Variants in RANBP6 observed in about 807,000 individuals in gnomAD.
RANBP6 encodes the protein RAN binding protein 6.
A neutral mutation model predicts 35.3 loss-of-function variants in RANBP6; 10 were observed. The ratio of observed to expected loss-of-function variants is 0.28; its 90% CI spans 0.17 to 0.48. The LOEUF (loss-of-function observed/expected upper bound fraction) is 0.48, where lower values mean the gene tolerates loss of function less well. Among genes scored for constraint, RANBP6 ranks in the 20% least tolerant of loss-of-function variants. The pLI, the probability that RANBP6 is intolerant of heterozygous loss-of-function variation, is 0.99. For missense variants in RANBP6, 1,392 were observed against 1,307.7 expected (o/e 1.06, Z -0.99); for synonymous variants, 514 against 464.2 (o/e 1.11, Z -1.38).
In RANBP6 at chr9:6,012,399, G is replaced by C; in HGVS notation, c.3209C>G (p.Ala1070Gly). Reference sequence around the variant, plus strand: ...AGTCTGTACCTGACGCACGACATTAGCTAGGCGTTTGGCACAAGGATCCTC... The same window carrying C: ...AGTCTGTACCTGACGCACGACATTACCTAGGCGTTTGGCACAAGGATCCTC... ...NYEDPCAKRLANVVRQVQTSE... is the reference protein window; with the variant it reads ...NYEDPCAKRLGNVVRQVQTSE... Residue 1070 changes from alanine to glycine, a missense_variant, in exon 1 of 1, where the codon GCT becomes GGT. By Grantham distance (60) the Ala-to-Gly change is moderately conservative. Coordinates refer to ENST00000259569, the MANE Select transcript of RANBP6 (RefSeq NM_012416.4). 1 of 1,613,968 alleles carries C rather than the reference G, an allele frequency of 6.2e-7. No homozygotes were observed. The highest frequency in any genetic ancestry group is 2.2e-5 in the East Asian group (1 of 44,888).
Position 6,013,851 on chromosome 9 carries a change from G to C in RANBP6, c.1757C>G (p.Ser586Ter). The change falls in exon 1 of 1, where the codon TCA becomes TGA. Residue 586 changes from serine to a stop codon, truncating the protein, a stop_gained. Coordinates refer to ENST00000259569, the MANE Select transcript of RANBP6 (RefSeq NM_012416.4). LOFTEE classifies it low-confidence loss of function (END_TRUNC). ...VGKEKFMQDA[S>*]NVMQLLLKTQ... is the part of the protein sequence containing the mutation. ...CTTCAACAACAGCTGCATCACATTT[G>C]ATGCATCTTGCATAAATTTTTCCTT... 1.2e-6 allele frequency: 2 copies of C among 1,613,940 alleles called. No homozygotes were observed. The highest frequency in any genetic ancestry group is 1.7e-6 in the Non-Finnish European group (2 of 1,179,986).
At position 6,014,846 on chromosome 9, in the gene RANBP6, G is replaced by T. The variant is rs141599921; in HGVS notation, c.762C>A (p.Thr254=). ...AATAAGGACCCAAGTACTTAGGTACGGTATCTGCAATCTCAACAAGGGATT... is the reference window on the plus strand; with the variant it reads ...AATAAGGACCCAAGTACTTAGGTACTGTATCTGCAATCTCAACAAGGGATT... ...VLESLVEIAD[T]VPKYLGPYLE... is the part of the protein sequence containing the mutation. The change falls in exon 1 of 1, where the codon ACC becomes ACA. Residue 254 remains threonine (T), a synonymous_variant. Transcript: ENST00000259569. 22 of 1,614,012 alleles carry T rather than the reference G, an allele frequency of 1.4e-5. No individual in the cohort carries two copies. The highest frequency in any genetic ancestry group is 5.5e-5 in the South Asian group (5 of 91,084).
chr9:6,013,818 G>C lies in RANBP6; in HGVS notation c.1790C>G (p.Ser597Ter), dbSNP rs1283500636. The change falls in exon 1 of 1, where the codon TCA (serine) becomes TGA (stop). Residue 597 changes from serine (S) to a stop codon, truncating the protein, a stop_gained. Coordinates refer to ENST00000259569, the MANE Select transcript of RANBP6 (RefSeq NM_012416.4). LOFTEE classifies it low-confidence loss of function (END_TRUNC). ...ATCATCTTCCATATTATTTAAGTCT[G>C]ATTGTGTCTTCAACAACAGCTGCAT... ...NVMQLLLKTQ[S>*]DLNNMEDDDP... 3 of 1,613,922 alleles carry C rather than the reference G, an allele frequency of 1.9e-6. No individual in the cohort carries two copies. Among genetic ancestry groups the C allele is most frequent in the Non-Finnish European group, 2.5e-6 (3 of 1,180,030 alleles).
chr9:6,014,957 A>C lies in RANBP6; in HGVS notation c.651T>G (p.Ala217=), dbSNP rs780184391. The C allele has an allele frequency of 4.3e-6, 7 of 1,614,232 alleles. No homozygotes were observed. The East Asian group carries it at 1.6e-4, about 36-fold the overall frequency. ...GCAAGTCTGCAAAGTCTTTGAAAAG[A>C]GCAATATTATTCTCATTAGCAAGTA... The part of the protein sequence containing the change: ...AFVLANENNI[A]LFKDFADLLP... Residue 217 remains alanine (A), a synonymous_variant, in exon 1 of 1, where the codon GCT becomes GCG. Coordinates refer to ENST00000259569, the MANE Select transcript of RANBP6 (RefSeq NM_012416.4).
chr9:6,015,198 C>T lies in RANBP6; in HGVS notation c.410G>A (p.Trp137Ter). 6.2e-7 allele frequency: 1 copy of T among 1,614,140 alleles called. No individual in the cohort carries two copies. Among genetic ancestry groups the T allele is most frequent in the Non-Finnish European group, 8.5e-7 (1 of 1,180,034 alleles). Residue 137 changes from tryptophan to a stop codon, truncating the protein, a stop_gained, in exon 1 of 1, where the codon TGG becomes TAG. Coordinates refer to ENST00000259569, the MANE Select transcript of RANBP6 (RefSeq NM_012416.4). LOFTEE classifies it low-confidence loss of function (END_TRUNC). ...AATAAGAAACTTCAGACCTTCCGGC[C>T]AGTGGTTAGTGCCATCCTCATCTAT... ...NLIDEDGTNH[W>*]PEGLKFLIDS... is the part of the protein sequence containing the mutation.
In RANBP6 at chr9:6,015,440, G is replaced by C; in HGVS notation, c.168C>G (p.Ala56=). The change falls in exon 1 of 1, where the codon GCC becomes GCG. Residue 56 remains alanine (A), a synonymous_variant. Transcript: ENST00000259569. The part of the protein sequence containing the change: ...GLCKTTFLLD[A]VRNRRAGYEV... ...CATAACCTGCTCTTCTATTTCTGACGGCATCTAAGAGGAAGGTAGTCTTAC... is the reference window on the plus strand; with the variant it reads ...CATAACCTGCTCTTCTATTTCTGACCGCATCTAAGAGGAAGGTAGTCTTAC... 6.2e-7 allele frequency: 1 copy of C among 1,614,120 alleles called. No homozygotes were observed. Among genetic ancestry groups the C allele is most frequent in the Non-Finnish European group, 8.5e-7 (1 of 1,180,020 alleles).
Position 6,013,580 on chromosome 9 carries a change from A to C in RANBP6, c.2028T>G (p.Phe676Leu). 2 of 1,614,242 alleles carry C rather than the reference A, an allele frequency of 1.2e-6. No individual in the cohort carries two copies. Among genetic ancestry groups the C allele is most frequent in the South Asian group, 2.2e-5 (2 of 91,086 alleles). Residue 676 changes from phenylalanine to leucine, a missense_variant, in exon 1 of 1, where the codon TTT becomes TTG. By Grantham distance (22) the Phe-to-Leu change is conservative. Coordinates refer to ENST00000259569, the MANE Select transcript of RANBP6 (RefSeq NM_012416.4). The stretch of plus-strand genomic sequence containing the variant: ...CTTCAAGTCCTGAAGTTTTAATTCC[A>C]AAACTCTGCTGGTCTCCAAGATTTA... ...QFVNLGDQQSFGIKTSGLEAK... is the reference protein window; with the variant it reads ...QFVNLGDQQSLGIKTSGLEAK...
At position 6,013,503 on chromosome 9, in the gene RANBP6, T is replaced by G; in HGVS notation, c.2105A>C (p.Glu702Ala). Residue 702 changes from glutamate to alanine, a missense_variant, in exon 1 of 1, where the codon GAA becomes GCA. Physicochemically the swap from Glu to Ala is moderately radical, Grantham distance 107. Coordinates refer to ENST00000259569, the MANE Select transcript of RANBP6 (RefSeq NM_012416.4). ...TTGTTCTGTATATTCCACAAACCCT[T>G]CCCTTAACTCCTTAGCATAGTAAAC... ...MLVYYAKELR[E>A]GFVEYTEQVV... The G allele has an allele frequency of 6.2e-7, 1 of 1,614,148 alleles. No individual in the cohort carries two copies. Among genetic ancestry groups the G allele is most frequent in the South Asian group, 1.1e-5 (1 of 91,076 alleles).
chr9:6,014,692 T>C lies in RANBP6; in HGVS notation c.916A>G (p.Thr306Ala). 5 of 1,614,202 alleles carry C rather than the reference T, an allele frequency of 3.1e-6. No individual in the cohort carries two copies. Among genetic ancestry groups the C allele is most frequent in the South Asian group, 2.2e-5 (2 of 91,092 alleles). The change falls in exon 1 of 1, where the codon ACA becomes GCA. Residue 306 changes from threonine (T) to alanine (A), a missense_variant. Coordinates refer to ENST00000259569, the MANE Select transcript of RANBP6 (RefSeq NM_012416.4). ...ETATPMLKKH[T>A]NIIAQAVPHI... is the part of the protein sequence containing the mutation. Reference sequence around the variant, plus strand: ...GGAACTGCCTGTGCAATAATATTTGTATGTTTTTTCAACATCGGAGTGGCA... The same window carrying C: ...GGAACTGCCTGTGCAATAATATTTGCATGTTTTTTCAACATCGGAGTGGCA...
Position 6,015,015 on chromosome 9 carries a change from C to G in RANBP6, c.593G>C (p.Arg198Thr), listed in dbSNP as rs776288155. The G allele has an allele frequency of 8.7e-6, 14 of 1,614,070 alleles. No homozygotes were observed. The highest frequency in any genetic ancestry group is 3.3e-4 in the Middle Eastern group (2 of 6,084). The change falls in exon 1 of 1, where the codon AGG becomes ACG. Residue 198 changes from arginine to threonine, a missense_variant. Coordinates refer to ENST00000259569, the MANE Select transcript of RANBP6 (RefSeq NM_012416.4). ...CIQDQEHPAI[R>T]TLSARAAAAF... is the part of the protein sequence containing the mutation. ...AGCTGCAGCTCTAGCGGATAATGTC[C>G]TGATTGCTGGATGTTCTTGATCTTG...
At position 6,013,984 on chromosome 9, in the gene RANBP6, A is replaced by G; in HGVS notation, c.1624T>C (p.Phe542Leu). The change falls in exon 1 of 1, where the codon TTC becomes CTC. Residue 542 changes from phenylalanine (F) to leucine (L), a missense_variant. Transcript: ENST00000259569. ...ACAATGTGCTTTAGTGAGGGCATGA[A>G]TATATCATAATATGGGACAAATTTT... ...EEKFVPYYDIFMPSLKHIVEL... is the reference protein window; with the variant it reads ...EEKFVPYYDILMPSLKHIVEL... The G allele has an allele frequency of 6.2e-7, 1 of 1,613,938 alleles. No homozygotes were observed. Among genetic ancestry groups the G allele is most frequent in the South Asian group, 1.1e-5 (1 of 91,066 alleles).
chr9:6,012,704 G>C lies in RANBP6; in HGVS notation c.2904C>G (p.Ser968=), dbSNP rs769470956. ...TAGCAATGACATTTTTTTTGGTTTT[G>C]GAATTTGCACACTTAATAACTTTTA... ...LLVKVIKCAN[S]KTKKNVIATE... is the part of the protein sequence containing the mutation. Residue 968 remains serine, a synonymous_variant, in exon 1 of 1, where the codon TCC becomes TCG. Transcript: ENST00000259569. The C allele has an allele frequency of 3.7e-6, 6 of 1,609,452 alleles. No individual in the cohort carries two copies. In the African/African-American group the frequency reaches 8.1e-5, roughly 22 times the overall value.
Position 6,015,223 on chromosome 9 carries a change from T to C in RANBP6, c.385A>G (p.Ile129Val), listed in dbSNP as rs752867543. The C allele has an allele frequency of 3.1e-6, 5 of 1,614,066 alleles. No homozygotes were observed. The highest frequency in any genetic ancestry group is 1.1e-5 in the South Asian group (1 of 91,082). The change falls in exon 1 of 1, where the codon ATA becomes GTA. Residue 129 changes from isoleucine to valine, a missense_variant. By Grantham distance (29) the Ile-to-Val change is conservative. Transcript: ENST00000259569. ...CAGTGGTTAGTGCCATCCTCATCTA[T>C]CAAATTCCTGGCCAGCACTGCAAAA... ...DIFAVLARNL[I>V]DEDGTNHWPE... is the part of the protein sequence containing the mutation.
At position 6,013,890 on chromosome 9, in the gene RANBP6, C is replaced by T. The variant is rs754548629; in HGVS notation, c.1718G>A (p.Gly573Asp). 4 of 1,613,958 alleles carry T rather than the reference C, an allele frequency of 2.5e-6. No individual in the cohort carries two copies. The highest frequency in any genetic ancestry group is 8.5e-7 in the Non-Finnish European group (1 of 1,179,960). ...GKTIECISHI[G>D]LAVGKEKFMQ... ...AAATTTTTCCTTCCCAACAGCAAGA[C>T]CAATATGGCTAATGCACTCGATAGT... The change falls in exon 1 of 1, where the codon GGT (glycine) becomes GAT (aspartate). Residue 573 changes from glycine (G) to aspartate (D), a missense_variant. Coordinates refer to ENST00000259569, the MANE Select transcript of RANBP6 (RefSeq NM_012416.4).
At position 6,014,609 on chromosome 9, in the gene RANBP6, A is replaced by G; in HGVS notation, c.999T>C (p.Asp333=). The change falls in exon 1 of 1, where the codon GAT becomes GAC. Residue 333 remains aspartate, a synonymous_variant. Transcript: ENST00000259569. ...TGTCAAAATCATCTTCTTCCATTTC[A>G]TCAGCATTTACCCAGTCCTCATCAT... ...LQDDEDWVNA[D]EMEEDDFDSN... 1 of 1,614,156 alleles carries G rather than the reference A, an allele frequency of 6.2e-7. No individual in the cohort carries two copies. Among genetic ancestry groups the G allele is most frequent in the Non-Finnish European group, 8.5e-7 (1 of 1,180,036 alleles).
rs1842475523 is a variant in RANBP6, at chr9:6,011,718, T to C, written c.*572A>G. On this transcript the variant is annotated 3_prime_UTR_variant, in exon 1 of 1. Transcript: ENST00000259569. ...ACCAGACACCTTGGGAACTACAATA[T>C]GGATATGTCCTACCCAGTTCCCAGG... The C allele has an allele frequency of 6.6e-6, 1 of 152,204 alleles. No individual in the cohort carries two copies. Among genetic ancestry groups the C allele is most frequent in the Non-Finnish European group, 1.5e-5 (1 of 68,038 alleles). The allele number at this position is 152,204 out of a possible 1,614,324, so 9.4% of individuals were successfully genotyped here.
Position 6,013,103 on chromosome 9 carries a change from A to G in RANBP6, c.2505T>C (p.Ser835=). The G allele has an allele frequency of 6.2e-7, 1 of 1,614,094 alleles. No individual in the cohort carries two copies. The highest frequency in any genetic ancestry group is 8.5e-7 in the Non-Finnish European group (1 of 1,180,006). The stretch of plus-strand genomic sequence containing the variant: ...CATCACATTCATCCTCATCTTGCAG[A>G]GACATCTCAACCTGTTGATCATAGT... ...EENYDQQVEM[S]LQDEDECDVY... The change falls in exon 1 of 1, where the codon TCT becomes TCC. Residue 835 remains serine, a synonymous_variant. Transcript: ENST00000259569.
chr9:6,012,167 G>T lies in RANBP6; in HGVS notation c.*123C>A. On this transcript the variant is annotated 3_prime_UTR_variant, in exon 1 of 1. Coordinates refer to ENST00000259569, the MANE Select transcript of RANBP6 (RefSeq NM_012416.4). ...CACTGATTAATTCTGGAGAAACATG[G>T]AGAAGAACTATAAACTGCTTAGCAG... 2 of 706,784 alleles carry T rather than the reference G, an allele frequency of 2.8e-6. No individual in the cohort carries two copies. Among genetic ancestry groups the T allele is most frequent in the Non-Finnish European group, 4.4e-6 (2 of 455,664 alleles). 43.8% of individuals were successfully genotyped at this position (706,784 alleles called of 1,614,324 possible).
rs200682188 is a variant in RANBP6, at chr9:6,014,753, C to A, written c.855G>T (p.Gln285His). ...AGGTCACTATAACTTCGAGGGCCAGCTGGCGCTGCAGATTACTAAGCCTAG... is the reference window on the plus strand; with the variant it reads ...AGGTCACTATAACTTCGAGGGCCAGATGGCGCTGCAGATTACTAAGCCTAG... ...GDSRLSNLQRQLALEVIVTLS... is the reference protein window; with the variant it reads ...GDSRLSNLQRHLALEVIVTLS... Residue 285 changes from glutamine (Q) to histidine (H), a missense_variant, in exon 1 of 1, where the codon CAG (glutamine) becomes CAT (histidine). Physicochemically the swap from Gln to His is conservative, Grantham distance 24. Transcript: ENST00000259569. 40 of 1,614,026 alleles carry A rather than the reference C, an allele frequency of 2.5e-5. No individual in the cohort carries two copies. Among genetic ancestry groups the A allele is most frequent in the Non-Finnish European group, 3.3e-5 (39 of 1,180,042 alleles).
Sources: allele counts gnomAD v4.1 joint callset, GRCh38; gene constraint gnomAD v4.1.1; transcripts MANE v1.5; gene names NCBI Gene and HGNC (gene_info 2026-07-23, HGNC 2026-07-21).